Variants in SSU72 observed in about 807,000 individuals in gnomAD.
SSU72 encodes RNA polymerase II subunit A C-terminal domain phosphatase SSU72.
Under a neutral mutation model 22.7 loss-of-function variants are expected in SSU72, and 12 were observed. That is an observed-to-expected ratio of 0.53 (90% CI 0.34 to 0.86). The LOEUF is 0.86. Ranked by LOEUF, SSU72 falls within the 40% of genes least tolerant of loss-of-function variation. The pLI, the probability that SSU72 is intolerant of heterozygous loss-of-function variation, is 0.02. For missense variants in SSU72, 151 were observed against 249.8 expected (o/e 0.60, Z 2.67); for synonymous variants, 116 against 98.3 (o/e 1.18, Z -1.06).
chr1:1,549,535 G>T (rs1021408657), intron 2 of SSU72, among the ~76,000 whole-genome samples: 4 of 145,644 alleles, frequency 2.7e-5, no homozygotes, highest in African/African-American at 1.0e-4. Flanking sequence ...AAAAAAGAAA[G>T]AAAAAGAAAA....
At chr1:1,549,614 G>A (rs1406860663) in intron 2 of SSU72, among the ~76,000 whole-genome samples, 1 of 151,928 alleles carries the variant, frequency 6.6e-6, no homozygotes, top group Non-Finnish European at 1.5e-5. Context: ...CGAGGCGGAT[G>A]GCTTATCTGA....
chr1:1,563,060 A>T lies in SSU72; in HGVS notation c.224+1713T>A, dbSNP rs1429365552. The T allele has an allele frequency of 3.9e-5, 6 of 152,450 alleles. No individual in the cohort carries two copies. The East Asian group carries it at 1.2e-3, about 29-fold the overall frequency. The allele number at this position is 152,450 out of a possible 1,614,324, so 9.4% of individuals were successfully genotyped here. A position where few individuals can be genotyped will look rare whatever the true frequency, so the allele number is the denominator to read the frequency against. ...GGGGAGCTGACAGCAGACGCCTGGGACTCTGCCCAGCGTCCTCACCCACAA... is the reference window on the plus strand; with the variant it reads ...GGGGAGCTGACAGCAGACGCCTGGGTCTCTGCCCAGCGTCCTCACCCACAA... On this transcript the variant is annotated intron_variant, in intron 2 of 4. Transcript: ENST00000291386.
chr1:1,562,653 G>T (rs922688407), intron 2 of SSU72: 19 of 152,352 alleles, frequency 1.2e-4, no homozygotes, highest in Non-Finnish European at 2.1e-4. Flanking sequence ...TCGCCGTAAG[G>T]CTCCGGGATG....
At position 1,544,886 on chromosome 1, in the gene SSU72, C is replaced by A; in HGVS notation, c.341G>T (p.Arg114Ile). 1 of 1,614,254 alleles carries A rather than the reference C, an allele frequency of 6.2e-7. No individual in the cohort carries two copies. The highest frequency in any genetic ancestry group is 8.5e-7 in the Non-Finnish European group (1 of 1,180,046). Residue 114 changes from arginine to isoleucine, a missense_variant, in exon 3 of 5, where the codon AGA (arginine) becomes ATA (isoleucine). Coordinates refer to ENST00000291386, the MANE Select transcript of SSU72 (RefSeq NM_014188.3). ...ACCTTCCACCACCTGGTCATACACT[C>A]TCTCTTCGCAAGTGAGGATCAGATC... ...LFDLILTCEERVYDQVVEDLN... is the reference protein window; with the variant it reads ...LFDLILTCEEIVYDQVVEDLN...
chr1:1,570,968 C>T (rs997224778), intron 1 of SSU72, among the ~76,000 whole-genome samples: 14 of 143,012 alleles, frequency 9.8e-5, no homozygotes, highest in African/African-American at 1.8e-4. Context: ...AAAATTTGGC[C>T]GGGCGCGGTG....
intron 2 of SSU72, among the ~76,000 whole-genome samples, chr1:1,552,289 C>T (rs954431338): frequency 6.6e-6 from 1 of 152,224 alleles, no homozygotes; most frequent in African/African-American, 2.4e-5. Context: ...AAGGTAACCA[C>T]TCCCCACACA....
At chr1:1,551,733 C>G (rs1219749117) in intron 2 of SSU72, among the ~76,000 whole-genome samples, 1 of 152,254 alleles carries the variant, frequency 6.6e-6, no homozygotes, top group Non-Finnish European at 1.5e-5. Flanking sequence ...ACACAGCACC[C>G]ATGTCCAGGG....
intron 2 of SSU72, among the ~76,000 whole-genome samples, chr1:1,551,699 A>T (rs533573534): frequency 1.3e-5 from 2 of 152,122 alleles, no homozygotes; most frequent in African/African-American, 4.8e-5. Flanking sequence ...GGCCCAACCT[A>T]TCTCTGCCCC....
In SSU72 at chr1:1,554,496, C is replaced by T. The variant is rs900629323; in HGVS notation, c.225-9494G>A. Among the ~76,000 whole-genome samples, 7 of 152,184 alleles carry T rather than the reference C, an allele frequency of 4.6e-5. No individual in the cohort carries two copies. The highest frequency in any genetic ancestry group is 1.0e-4 in the Non-Finnish European group (7 of 68,020). On this transcript the variant is annotated intron_variant, in intron 2 of 4. Transcript: ENST00000291386. The surrounding 1 kb of genome is among the most constrained non-coding windows in gnomAD (Gnocchi z 4.1). ...CAAGGTGCCAGGACATACCAGGAAA[C>T]GCCCCAAACACAGCTCGGTTTTCCT...
chr1:1,573,528 T>C (rs1297063022), intron 1 of SSU72, among the ~76,000 whole-genome samples: 1 of 151,998 alleles, frequency 6.6e-6, no homozygotes. Context: ...GGGTGTTTTT[T>C]GGTCTCCAAC....
At chr1:1,564,417 T>G (rs1642633096) in intron 2 of SSU72, 1 of 1,435,652 alleles carries the variant, frequency 7.0e-7, no homozygotes, top group Admixed American at 2.8e-5. Context: ...CACACCAACC[T>G]GCAAAGGAAA....
At chr1:1,564,219 G>A in intron 2 of SSU72, 2 of 324,404 alleles carry the variant, frequency 6.2e-6, no homozygotes. Flanking sequence ...CTCTCTATAG[G>A]AGTCTTCGCG....
At position 1,572,877 on chromosome 1, in the gene SSU72, TGGG is replaced by T. The variant is rs80340276; in HGVS notation, c.80+1598_80+1600del. 3.0e-3 allele frequency among the ~76,000 whole-genome samples: 247 copies of T among 83,726 alleles called. 5 individuals are homozygous for T. The highest frequency in any genetic ancestry group is 7.3e-3 in the African/African-American group (184 of 25,344). The allele number at this position is 83,726 out of a possible 152,430, so 54.9% of individuals were successfully genotyped here. ...ATTCCAATTAACAATAATTTTGTCT[TGGG>T]GGGGGGGGGGTGAGCCTTGCATTGT... On this transcript the variant is annotated intron_variant, in intron 1 of 4. Transcript: ENST00000291386.
At chr1:1,548,740 C>T (rs1642422624) in intron 2 of SSU72, among the ~76,000 whole-genome samples, 2 of 152,204 alleles carry the variant, frequency 1.3e-5, no homozygotes, top group Admixed American at 6.5e-5. Flanking sequence ...TCCTCCCACT[C>T]GCCCCCGGAG....
rs150319581 is a variant in SSU72, at chr1:1,550,649, G to A, written c.225-5647C>T. On this transcript the variant is annotated intron_variant, in intron 2 of 4. Coordinates refer to ENST00000291386, the MANE Select transcript of SSU72 (RefSeq NM_014188.3). ...GGTCCCGGGCCCAGGGAGTCAGGAC[G>A]AGGCAGTGATCTCGCCTGGCAGAGC... Among the ~76,000 whole-genome samples the A allele has an allele frequency of 1.6e-4, 24 of 152,266 alleles. No individual in the cohort carries two copies. In the East Asian group the frequency reaches 4.3e-3, roughly 27 times the overall value.
intron 2 of SSU72, chr1:1,545,384 C>A: frequency 4.2e-6 from 1 of 237,272 alleles, no homozygotes; most frequent in South Asian, 6.1e-5. Flanking sequence ...CCTTCTTCCT[C>A]CCTCTGCTCC....
chr1:1,573,464 AAGAAT>A (rs1223459108), intron 1 of SSU72, among the ~76,000 whole-genome samples: 1 of 150,758 alleles, frequency 6.6e-6, no homozygotes, highest in Non-Finnish European at 1.5e-5. Flanking sequence ...AAAGAAAGAA[AAGAAT>A]AAAGAGAAAG....
At chr1:1,548,438 C>T (rs1642418834) in intron 2 of SSU72, among the ~76,000 whole-genome samples, 1 of 152,020 alleles carries the variant, frequency 6.6e-6, no homozygotes, top group African/African-American at 2.4e-5. Flanking sequence ...GCCTTAGTCC[C>T]AGCTACTCTG....
chr1:1,557,048 T>A (rs1361555932), intron 2 of SSU72, among the ~76,000 whole-genome samples: 2 of 152,228 alleles, frequency 1.3e-5, no homozygotes, highest in Non-Finnish European at 2.9e-5. Context: ...TCAGAGTTTC[T>A]CTGGGAATCG....
Sources: allele counts gnomAD v4.1 joint callset (sites outside exome capture counted in the v4.1 genomes callset), GRCh38; gene constraint gnomAD v4.1.1; non-coding constraint Gnocchi (gnomAD v3.1); transcripts MANE v1.5; gene names NCBI Gene and HGNC (gene_info 2026-07-23, HGNC 2026-07-21).